Variants in MPP7 observed in about 807,000 individuals in gnomAD.
The protein encoded by MPP7 is MAGUK p55 scaffold protein 7.
In MPP7, 60 loss-of-function variants were observed where a neutral mutation model predicts 76.5. That is an observed-to-expected ratio of 0.78 (90% CI 0.64 to 0.97). The LOEUF (loss-of-function observed/expected upper bound fraction) is 0.97, where lower values mean the gene tolerates loss of function less well. Among genes scored for constraint, MPP7 ranks in the 50% least tolerant of loss-of-function variants. The probability of loss-of-function intolerance (pLI) is 0.00; values close to 1 mark genes in which losing one functional copy is unlikely to be tolerated. For missense variants in MPP7, 641 were observed against 694.0 expected (o/e 0.92, Z 0.86); for synonymous variants, 237 against 244.5 (o/e 0.97, Z 0.29).
At chr10:28,320,967 G>T (rs1834364267) in intron 2 of MPP7, among the ~76,000 whole-genome samples, 1 of 152,204 alleles carries the variant, frequency 6.6e-6, no homozygotes, top group Non-Finnish European at 1.5e-5. Context: ...GCTATGCATG[G>T]CACAGGACAT....
chr10:28,169,836 T>C (rs1220160118), intron 3 of MPP7, among the ~76,000 whole-genome samples: 1 of 152,172 alleles, frequency 6.6e-6, no homozygotes, highest in African/African-American at 2.4e-5. Flanking sequence ...TAGATTCCCG[T>C]TGGGTTTTCC....
chr10:28,111,658 A>G (rs970489383), intron 11 of MPP7, among the ~76,000 whole-genome samples: 1 of 152,220 alleles, frequency 6.6e-6, no homozygotes, highest in Non-Finnish European at 1.5e-5. Flanking sequence ...ACAATTATCA[A>G]TGTTATATAC....
intron 1 of MPP7, among the ~76,000 whole-genome samples, chr10:28,278,150 T>G (rs1489797228): frequency 6.6e-6 from 1 of 151,850 alleles, no homozygotes; most frequent in Admixed American, 6.6e-5. Context: ...AAAAGAAAAA[T>G]AAAGCTTTTA....
intron 1 of MPP7, among the ~76,000 whole-genome samples, chr10:28,250,108 G>A (rs975443315): frequency 2.0e-5 from 3 of 151,024 alleles, no homozygotes; most frequent in Admixed American, 2.0e-4. Flanking sequence ...GGATGTAACA[G>A]AACCCATTAT....
At chr10:28,273,702 A>C (rs1484303978) in intron 1 of MPP7, among the ~76,000 whole-genome samples, 2 of 152,242 alleles carry the variant, frequency 1.3e-5, no homozygotes, top group Non-Finnish European at 2.9e-5. Flanking sequence ...ACGATGAAAG[A>C]ATTTCCTCTT....
In MPP7 at chr10:28,100,262, G is replaced by C. The variant is rs570833985; in HGVS notation, c.953-10421C>G. On this transcript the variant is annotated intron_variant, in intron 11 of 16. Transcript: ENST00000683449. ...ATATAATGCCAATGCTGTTATAATAGTGCAAATCATAACCAACATAGTAAC... is the reference window on the plus strand; with the variant it reads ...ATATAATGCCAATGCTGTTATAATACTGCAAATCATAACCAACATAGTAAC... 2.0e-5 allele frequency among the ~76,000 whole-genome samples: 3 copies of C among 152,062 alleles called. No individual in the cohort carries two copies. The East Asian group carries it at 5.8e-4, about 29-fold the overall frequency.
chr10:28,278,657 C>T (rs1243264104), intron 1 of MPP7, among the ~76,000 whole-genome samples: 1 of 151,430 alleles, frequency 6.6e-6, no homozygotes, highest in Non-Finnish European at 1.5e-5. Flanking sequence ...CTGTATAGGT[C>T]CTTAAGGAAA....
intron 1 of MPP7, among the ~76,000 whole-genome samples, chr10:28,275,572 A>G (rs1007267585): frequency 5.3e-5 from 8 of 151,712 alleles, no homozygotes; most frequent in African/African-American, 1.9e-4. Flanking sequence ...ACGCCTGGCT[A>G]ATTTTTATAT....
chr10:28,247,319 T>C (rs1839468697), intron 1 of MPP7, among the ~76,000 whole-genome samples: 1 of 152,198 alleles, frequency 6.6e-6, no homozygotes, highest in Non-Finnish European at 1.5e-5. Context: ...AAAAATACAC[T>C]TTCTAAAAAT....
Position 28,311,313 on chromosome 10 carries a change from G to A in MPP7, c.-132+18616C>T, listed in dbSNP as rs906966117. On this transcript the variant is annotated intron_variant, in intron 2 of 11. Transcript: ENST00000441595. ...GTGATCTAATAATTCTGAGGCATAC[G>A]GGTGTGAATGACAGCATGATGTGTG... Among the ~76,000 whole-genome samples the A allele has an allele frequency of 4.0e-5, 6 of 151,536 alleles. No homozygotes were observed. The South Asian group carries it at 6.2e-4, about 16-fold the overall frequency.
intron 1 of MPP7, among the ~76,000 whole-genome samples, chr10:28,300,807 A>G (rs1475081830): frequency 2.6e-5 from 4 of 151,906 alleles, no homozygotes; most frequent in Non-Finnish European, 5.9e-5. Context: ...TAAAAAAAAA[A>G]AAATAGCTGG....
intron 3 of MPP7, among the ~76,000 whole-genome samples, chr10:28,185,796 G>C (rs1223227975): frequency 6.6e-6 from 1 of 152,098 alleles, no homozygotes; most frequent in Non-Finnish European, 1.5e-5. Context: ...AATTAAATGT[G>C]GTGGTGAATA....
In MPP7 at chr10:28,238,568, C is replaced by T; in HGVS notation, c.37G>A (p.Gly13Ser). ...ALSTGSGSDT[G>S]LYELLAALPA... ...AACTGCCCCTCTTGGGGTCACATACCAGTGTCACTCCCAGATCCCGTTGAC... is the reference window on the plus strand; with the variant it reads ...AACTGCCCCTCTTGGGGTCACATACTAGTGTCACTCCCAGATCCCGTTGAC... Residue 13 changes from glycine (G) to serine (S), a missense_variant and splice_region_variant, in exon 2 of 17, where the codon GGT becomes AGT. Physicochemically the swap from Gly to Ser is moderately conservative, Grantham distance 56. Coordinates refer to ENST00000683449, the MANE Select transcript of MPP7 (RefSeq NM_001318170.2). 3 of 1,614,004 alleles carry T rather than the reference C, an allele frequency of 1.9e-6. No homozygotes were observed. In the East Asian group the frequency reaches 6.7e-5, roughly 36 times the overall value.
intron 3 of MPP7, among the ~76,000 whole-genome samples, chr10:28,185,435 C>A (rs1185798636): frequency 6.6e-6 from 1 of 151,976 alleles, no homozygotes; most frequent in African/African-American, 2.4e-5. Context: ...ACCTGACTGT[C>A]CATAACTGAG....
intron 2 of MPP7, among the ~76,000 whole-genome samples, chr10:28,329,522 G>C (rs34827546): frequency 0.13 from 19,126 of 151,390 alleles, 1,563 homozygotes; most frequent in African/African-American, 0.22. Context: ...CCAGCTACTC[G>C]GGAGGCTGAG....
At chr10:28,091,589 T>C (rs746622694) in intron 11 of MPP7, among the ~76,000 whole-genome samples, 14 of 152,150 alleles carry the variant, frequency 9.2e-5, no homozygotes, top group Admixed American at 6.5e-4. Flanking sequence ...TGACCAGCCA[T>C]AGATATCTTT....
intron 3 of MPP7, among the ~76,000 whole-genome samples, chr10:28,180,504 T>A (rs137924936): frequency 6.6e-6 from 1 of 152,344 alleles, no homozygotes; most frequent in African/African-American, 2.4e-5. Context: ...GTAATTAGCC[T>A]CATGCAATGT....
At chr10:28,136,079 G>T (rs528625613) in intron 5 of MPP7, among the ~76,000 whole-genome samples, 1 of 151,960 alleles carries the variant, frequency 6.6e-6, no homozygotes, top group East Asian at 1.9e-4. Context: ...AGTATGCGAG[G>T]ATCTAGGTTG....
chr10:28,108,420 C>A (rs1283246608), intron 11 of MPP7, among the ~76,000 whole-genome samples: 2 of 151,962 alleles, frequency 1.3e-5, no homozygotes, highest in Non-Finnish European at 2.9e-5. Context: ...TTTGGGAGAC[C>A]AAGACAGGTG....
Sources: gnomAD v4.1 joint callset for allele counts (sites outside exome capture counted in the v4.1 genomes callset) on GRCh38, gnomAD v4.1.1 for gene constraint, MANE v1.5 for transcripts, NCBI Gene and HGNC (gene_info 2026-07-23, HGNC 2026-07-21) for gene names.